The following ALG3 variants were observed in gnomAD, a reference collection of about 807,000 sequenced individuals.
ALG3 encodes ALG3 alpha-1,3- mannosyltransferase.
Under a neutral mutation model 50.5 loss-of-function variants are expected in ALG3, and 39 were observed. The observed-to-expected ratio is 0.77, with a 90% CI of 0.60 to 1.01. The LOEUF (loss-of-function observed/expected upper bound fraction) is 1.01, where lower values mean the gene tolerates loss of function less well. Ranked by LOEUF, ALG3 falls within the 50% of genes least tolerant of loss-of-function variation. The pLI is 0.00. For missense variants in ALG3, 520 were observed against 554.8 expected (o/e 0.94, Z 0.63); for synonymous variants, 252 against 237.2 (o/e 1.06, Z -0.58).
intron 1 of ALG3, among the ~76,000 whole-genome samples, chr3:184,246,114 C>T (rs1199035952): frequency 6.6e-6 from 1 of 152,020 alleles, no homozygotes; most frequent in Non-Finnish European, 1.5e-5. Context: ...TTTGATACTC[C>T]CTCCTCTCTC....
upstream of ALG3, chr3:184,249,107 G>A (rs538229394): frequency 1.0e-3 from 1,525 of 1,467,606 alleles, 4 homozygotes; most frequent in Non-Finnish European, 8.5e-4. Flanking sequence ...TGTCTCCTCT[G>A]ATGCACTCCA....
At chr3:184,246,588 G>T (rs1018530749) in intron 1 of ALG3, among the ~76,000 whole-genome samples, 3 of 151,864 alleles carry the variant, frequency 2.0e-5, no homozygotes, top group Non-Finnish European at 4.4e-5. Flanking sequence ...CTCAGTTTCT[G>T]CATTCCCATC....
intron 1 of ALG3, 30 bp downstream of exon 1, chr3:184,248,715 C>G: frequency 7.6e-7 from 1 of 1,307,992 alleles, no homozygotes; most frequent in Non-Finnish European, 1.1e-6. Context: ...GTCTCCCTCC[C>G]TCCCCTCCCC....
chr3:184,245,739 T>C lies in ALG3; in HGVS notation c.270A>G (p.Gln90=), dbSNP rs1295182329. ...GVINGTYDYT[Q]LQGDTGPLVY... ...CAAGTGGTCCGGTGTCACCCTGCAGTTGGGTATAGTCATAGGTACCATTGA... is the reference window on the plus strand; with the variant it reads ...CAAGTGGTCCGGTGTCACCCTGCAGCTGGGTATAGTCATAGGTACCATTGA... The change falls in exon 2 of 9, where the codon CAA becomes CAG. Residue 90 remains glutamine, a synonymous_variant. Transcript: ENST00000397676. 6.2e-7 allele frequency: 1 copy of C among 1,613,632 alleles called. No homozygotes were observed. The highest frequency in any genetic ancestry group is 1.7e-5 in the Admixed American group (1 of 60,014).
Position 184,244,630 on chromosome 3 carries a change from G to C in ALG3, c.697C>G (p.Pro233Ala). ...AGGCCAGCACAGATTCCCAGCTTGGGGAGGGCCCCACGGAAGCCAAACTGT... is the reference window on the plus strand; with the variant it reads ...AGGCCAGCACAGATTCCCAGCTTGGCGAGGGCCCCACGGAAGCCAAACTGT... ...LTQFGFRGAL[P>A]KLGICAGLQV... Residue 233 changes from proline (P) to alanine (A), a missense_variant, in exon 5 of 9, where the codon CCC becomes GCC. Physicochemically the swap from Pro to Ala is conservative, Grantham distance 27. Transcript: ENST00000397676. 6.2e-7 allele frequency: 1 copy of C among 1,610,866 alleles called. No individual in the cohort carries two copies. Among genetic ancestry groups the C allele is most frequent in the African/African-American group, 1.3e-5 (1 of 74,928 alleles).
chr3:184,248,642 G>A, intron 1 of ALG3, 103 bp downstream of exon 1: 1 of 1,077,608 alleles, frequency 9.3e-7, no homozygotes, highest in Middle Eastern at 3.1e-4. Context: ...ATTGACGAGT[G>A]AGTGGATACA....
chr3:184,248,302 G>T (rs1309928188), intron 1 of ALG3, among the ~76,000 whole-genome samples: 1 of 152,286 alleles, frequency 6.6e-6, no homozygotes, highest in East Asian at 1.9e-4. Flanking sequence ...TTTCAGCCTG[G>T]AAAGGAGTAG....
In ALG3 at chr3:184,242,518, T is replaced by C. The variant is rs758337409; in HGVS notation, c.1313A>G (p.His438Arg). ...CCTGAGGGAAAGGGGTGGACTTCAGTGGGCTTTCTTGCTGTGTTGGGTGCT... is the reference window on the plus strand; with the variant it reads ...CCTGAGGGAAAGGGGTGGACTTCAGCGGGCTTTCTTGCTGTGTTGGGTGCT... ...PKSTQHSKKAH is the reference protein window; with the variant it reads ...PKSTQHSKKAR Residue 438 changes from histidine to arginine, a missense_variant, in exon 9 of 9, where the codon CAC becomes CGC. Around this residue, in one of 3 missense-constraint regions of ALG3, gnomAD observed 224 missense variants for 272.8 expected, o/e 0.82. Coordinates refer to ENST00000397676, the MANE Select transcript of ALG3 (RefSeq NM_005787.6). 4 of 1,612,766 alleles carry C rather than the reference T, an allele frequency of 2.5e-6. No individual in the cohort carries two copies. In the Admixed American group the frequency reaches 5.0e-5, roughly 20 times the overall value.
chr3:184,245,033 G>C, intron 4 of ALG3, 165 bp downstream of exon 4: 1 of 948,400 alleles, frequency 1.1e-6, no homozygotes, highest in South Asian at 1.4e-5. Context: ...TGTGTATGTT[G>C]GGGGATGGCA....
At chr3:184,249,518 G>C, upstream of ALG3, 1 of 789,580 alleles carries the variant, frequency 1.3e-6, no homozygotes, top group Admixed American at 2.9e-5. Flanking sequence ...GGGTCTGGAC[G>C]ATAGTTTTCC....
chr3:184,246,740 G>A (rs1354157898), intron 1 of ALG3, among the ~76,000 whole-genome samples: 3 of 150,378 alleles, frequency 2.0e-5, no homozygotes, highest in Non-Finnish European at 4.4e-5. Context: ...GCAGTGGTAC[G>A]ATCTCAGCTC....
intron 7 of ALG3, 32 bp from the exon 8 acceptor site, chr3:184,242,989 G>C (rs1490624582): frequency 6.2e-7 from 1 of 1,610,256 alleles, no homozygotes; most frequent in Non-Finnish European, 8.5e-7. Context: ...GGGCAGGAGT[G>C]TGTGTGGGGG....
chr3:184,248,822 C>A lies in ALG3; in HGVS notation c.119G>T (p.Arg40Leu). The change falls in exon 1 of 9, where the codon CGC becomes CTC. Residue 40 changes from arginine (R) to leucine (L), a missense_variant. By Grantham distance (102) the Arg-to-Leu change is moderately radical. Around this residue, in one of 3 missense-constraint regions of ALG3, gnomAD observed 290 missense variants for 265.9 expected, o/e 1.09. Coordinates refer to ENST00000397676, the MANE Select transcript of ALG3 (RefSeq NM_005787.6). ...GCAGGCGGCCACCAGCAGCGTGTAG[C>A]GCGGCTCCCGCAGCAGCAGGCGCCG... Reference protein sequence around the residue: ...QERRLLLREPRYTLLVAACLC... With the variant: ...QERRLLLREPLYTLLVAACLC... 6.2e-7 allele frequency: 1 copy of A among 1,608,694 alleles called. No homozygotes were observed. Among genetic ancestry groups the A allele is most frequent in the Non-Finnish European group, 8.5e-7 (1 of 1,177,626 alleles).
Position 184,243,603 on chromosome 3 carries a change from C to T in ALG3, c.960G>A (p.Leu320=), listed in dbSNP as rs377015795. 1.2e-6 allele frequency: 2 copies of T among 1,613,914 alleles called. No individual in the cohort carries two copies. Among genetic ancestry groups the T allele is most frequent in the East Asian group, 2.2e-5 (1 of 44,876 alleles). ...GAACCTTCCTTTTGGAGGGATCCCT[C>T]AGCAGCGACAAGATACTTTCCCCTG... ...HRTGESILSL[L]RDPSKRKVPP... The change falls in exon 7 of 9, where the codon CTG becomes CTA. Residue 320 remains leucine, a synonymous_variant. Transcript: ENST00000397676.
chr3:184,248,711 CTCCCT>C, intron 1 of ALG3, 29 bp downstream of exon 1: 1 of 1,409,112 alleles, frequency 7.1e-7, no homozygotes, highest in Non-Finnish European at 9.7e-7. Flanking sequence ...TCAGGTCTCC[CTCCCT>C]CCCCTCCCCT....
chr3:184,247,850 C>CTT (rs550165987), intron 1 of ALG3, among the ~76,000 whole-genome samples: 3 of 142,800 alleles, frequency 2.1e-5, no homozygotes, highest in African/African-American at 7.7e-5. Flanking sequence ...CATCCTTTTT[C>CTT]TTTTTTTTTT....
rs369078919 is a variant in ALG3 at position 184,242,666 on chromosome 3, G to T, written c.1165C>A (p.Leu389Met). 1.9e-6 allele frequency: 3 copies of T among 1,560,448 alleles called. No homozygotes were observed. Among genetic ancestry groups the T allele is most frequent in the African/African-American group, 2.7e-5 (2 of 73,822 alleles). ...WLTHLLRLLV[L>M]GLIELSWNTY... ...TTCCAGGAGAGCTCGATGAGCCCCA[G>T]CACCAACAACCTGGAGATGAGAAAC... is the stretch of plus-strand genomic sequence containing the variant. Residue 389 changes from leucine to methionine, a missense_variant, in exon 9 of 9, where the codon CTG (leucine) becomes ATG (methionine). Physicochemically the swap from Leu to Met is conservative, Grantham distance 15. Coordinates refer to ENST00000397676, the MANE Select transcript of ALG3 (RefSeq NM_005787.6).
intron 1 of ALG3, among the ~76,000 whole-genome samples, chr3:184,246,217 CTAAAG>C (rs1282484568): frequency 6.6e-6 from 1 of 152,156 alleles, no homozygotes; most frequent in Non-Finnish European, 1.5e-5. Flanking sequence ...AAATTTGAGC[CTAAAG>C]TAATCTCTAG....
At chr3:184,248,990 C>T (rs746559424), upstream of ALG3, 8 of 1,544,832 alleles carry the variant, frequency 5.2e-6, no homozygotes, top group Admixed American at 2.0e-5. Flanking sequence ...AAACCCGAAC[C>T]TTCGACACTT....
Sources: allele counts gnomAD v4.1 joint callset (sites outside exome capture counted in the v4.1 genomes callset), GRCh38; gene constraint gnomAD v4.1.1; regional missense constraint gnomAD v4.1.1; transcripts MANE v1.5; gene names NCBI Gene and HGNC (gene_info 2026-07-23, HGNC 2026-07-21).